The following MTDH variants were observed in gnomAD, a reference collection of about 807,000 sequenced individuals.
The protein encoded by MTDH is metadherin, also known as protein LYRIC.
MTDH carries 34 observed loss-of-function variants against 72.7 expected under a neutral mutation model. That is an observed-to-expected ratio of 0.47 (90% confidence interval 0.36 to 0.62). MTDH has a LOEUF of 0.62. Ranked by LOEUF, MTDH falls within the 20% of genes least tolerant of loss-of-function variation. The probability of loss-of-function intolerance (pLI) is 0.00; values close to 1 mark genes in which losing one functional copy is unlikely to be tolerated. For synonymous variants in MTDH, 266 were observed against 268.9 expected, an observed-to-expected ratio of 0.99 and a Z score of 0.10; for missense variants, 677 against 699.4, an observed-to-expected ratio of 0.97 and a Z score of 0.36.
chr8:97,701,152 T>G (rs1814106256), intron 7 of MTDH, among the ~76,000 whole-genome samples: 2 of 152,094 alleles, frequency 1.3e-5, no homozygotes, highest in Admixed American at 6.5e-5. Context: ...TTTCATAGGT[T>G]GTTGTGAGGC....
intron 1 of MTDH, among the ~76,000 whole-genome samples, chr8:97,657,677 A>T (rs543657489): frequency 6.6e-6 from 1 of 151,654 alleles, no homozygotes; most frequent in Admixed American, 6.6e-5. Flanking sequence ...CTATTTTTTT[A>T]AATTATTTTT....
chr8:97,715,651 T>G (rs995818199), intron 9 of MTDH, among the ~76,000 whole-genome samples: 3 of 152,230 alleles, frequency 2.0e-5, no homozygotes, highest in Non-Finnish European at 2.9e-5. Context: ...GCTTTTCTTG[T>G]TAGCTGGAGC....
At chr8:97,645,291 A>C (rs1459090718) in intron 1 of MTDH, among the ~76,000 whole-genome samples, 1 of 152,184 alleles carries the variant, frequency 6.6e-6, no homozygotes. Context: ...CTGCGCTCGG[A>C]AGACAGATGT....
chr8:97,652,513 ATTATT>A (rs951789254), intron 1 of MTDH, among the ~76,000 whole-genome samples: 6 of 152,118 alleles, frequency 3.9e-5, no homozygotes, highest in African/African-American at 1.2e-4. Context: ...CAGTTTGTAC[ATTATT>A]TGTTTACTTA....
chr8:97,707,774 C>A (rs1297536400), intron 8 of MTDH, among the ~76,000 whole-genome samples: 1 of 151,368 alleles, frequency 6.6e-6, no homozygotes, highest in African/African-American at 2.4e-5. Context: ...AGGCTGGGCA[C>A]AGTGGCATAC....
rs144100415 is a variant in MTDH at position 97,725,957 on chromosome 8, GAAAA to G, written c.*1292_*1295del. The G allele has an allele frequency of 6.6e-6, 1 of 152,206 alleles. No individual in the cohort carries two copies. Among genetic ancestry groups the G allele is most frequent in the Non-Finnish European group, 1.5e-5 (1 of 67,910 alleles). The allele number at this position is 152,206 out of a possible 1,614,324, so 9.4% of individuals were successfully genotyped here. A position where few individuals can be genotyped will look rare whatever the true frequency, so the allele number is the denominator to read the frequency against. On this transcript the variant is annotated 3_prime_UTR_variant, in exon 12 of 12. Coordinates refer to ENST00000336273, the MANE Select transcript of MTDH (RefSeq NM_178812.4). ...ACATCACTTAGTGAATTGTGATAAA[GAAAA>G]AAAAGCCATGATTTATTCGATGTGA... is the stretch of plus-strand genomic sequence containing the variant.
chr8:97,671,619 T>C (rs528213503), intron 2 of MTDH, among the ~76,000 whole-genome samples: 3 of 152,116 alleles, frequency 2.0e-5, no homozygotes, highest in African/African-American at 4.8e-5. Context: ...CCCAGCACTT[T>C]AGGAGGCCAA....
rs140955707 is a variant in MTDH, at chr8:97,711,867, G to A, written c.1273-1795G>A. Among the ~76,000 whole-genome samples, 976 of 152,290 alleles carry A rather than the reference G, an allele frequency of 6.4e-3. 11 individuals are homozygous for A. Among genetic ancestry groups the A allele is most frequent in the African/African-American group, 0.022 (909 of 41,552 alleles). ...TTTCAAAGTACTTTAATATCAGACT[G>A]AGGTTGACCGCAGGTAACTGAAACT... On this transcript the variant is annotated intron_variant, in intron 8 of 11. Transcript: ENST00000336273.
In MTDH at chr8:97,710,683, CAAAAA is replaced by C. The variant is rs376391821; in HGVS notation, c.1273-2956_1273-2952del. 9.5e-3 allele frequency among the ~76,000 whole-genome samples: 502 copies of C among 53,094 alleles called. 2 individuals are homozygous for C. Among genetic ancestry groups the C allele is most frequent in the Middle Eastern group, 0.013 (1 of 78 alleles). 34.8% of individuals were successfully genotyped at this position (53,094 alleles called of 152,430 possible). On this transcript the variant is annotated intron_variant, in intron 8 of 11. Transcript: ENST00000336273. ...CCTGGGCAACAGAGTGAGACTATCT[CAAAAA>C]AAAAAAAAAAAAAAAAAAAAAATAG...
rs1338072462 is a variant in MTDH, at chr8:97,726,221, T to G, written c.*1551T>G. 1 of 152,684 alleles carries G rather than the reference T, an allele frequency of 6.5e-6. No homozygotes were observed. The highest frequency in any genetic ancestry group is 1.5e-5 in the Non-Finnish European group (1 of 68,050). The allele number at this position is 152,684 out of a possible 1,614,324, so 9.5% of individuals were successfully genotyped here. On this transcript the variant is annotated 3_prime_UTR_variant, in exon 12 of 12. Transcript: ENST00000336273. ...ACTTTTATCAGGTGTTAACATCTGT[T>G]TCAGGAACATGGCAGTATGTTTACA...
intron 2 of MTDH, among the ~76,000 whole-genome samples, chr8:97,671,892 A>G (rs1812640558): frequency 6.6e-6 from 1 of 152,284 alleles, no homozygotes; most frequent in Middle Eastern, 3.4e-3. Flanking sequence ...ACATTTTAGG[A>G]ATCTAAAAGA....
Position 97,716,720 on chromosome 8 carries a change from G to C in MTDH, c.1381-2329G>C, listed in dbSNP as rs1282819788. Among the ~76,000 whole-genome samples, 9 of 152,108 alleles carry C rather than the reference G, an allele frequency of 5.9e-5. No homozygotes were observed. The East Asian group carries it at 1.5e-3, about 26-fold the overall frequency. ...TCTTTTTGTTTTGTTTTGTTTGTTT[G>C]TTTTTTGAGACATTCCACTCTGTGG... On this transcript the variant is annotated intron_variant, in intron 9 of 11. Transcript: ENST00000336273.
intron 2 of MTDH, among the ~76,000 whole-genome samples, chr8:97,661,540 A>G (rs773919215): frequency 6.6e-6 from 1 of 152,250 alleles, no homozygotes; most frequent in African/African-American, 2.4e-5. Flanking sequence ...CACATCTAGC[A>G]TGAAAACCTT....
intron 2 of MTDH, among the ~76,000 whole-genome samples, chr8:97,672,750 C>A: frequency 6.6e-6 from 1 of 152,132 alleles, no homozygotes; most frequent in Non-Finnish European, 1.5e-5. Flanking sequence ...GGATCTCATA[C>A]TGAAATTAAT....
Position 97,728,904 on chromosome 8 carries a change from G to A in MTDH, c.*4234G>A, listed in dbSNP as rs1420973612. The A allele has an allele frequency of 2.8e-5, 4 of 144,492 alleles. No individual in the cohort carries two copies. The highest frequency in any genetic ancestry group is 6.1e-5 in the Non-Finnish European group (4 of 65,542). 9.0% of individuals were successfully genotyped at this position (144,492 alleles called of 1,614,324 possible). A position where few individuals can be genotyped will look rare whatever the true frequency, so the allele number is the denominator to read the frequency against. ...TATTGTTCCTCCCCATTCTCAACCT[G>A]TAGCTTTTTTTTTTTTTCTTTTAAT... On this transcript the variant is annotated 3_prime_UTR_variant, in exon 12 of 12. Transcript: ENST00000336273.
At chr8:97,650,467 G>A (rs552568165) in intron 1 of MTDH, among the ~76,000 whole-genome samples, 10 of 151,902 alleles carry the variant, frequency 6.6e-5, no homozygotes, top group Admixed American at 3.3e-4. Flanking sequence ...TAGAGATGGC[G>A]TTTTGCTATG....
chr8:97,679,767 A>G (rs75532773), intron 2 of MTDH, among the ~76,000 whole-genome samples: 6,802 of 152,270 alleles, frequency 0.045, 504 homozygotes, highest in African/African-American at 0.15. Context: ...TGGAAGTATG[A>G]GAACAACAAG....
intron 2 of MTDH, among the ~76,000 whole-genome samples, chr8:97,683,749 T>G (rs1156469434): frequency 6.6e-6 from 1 of 152,120 alleles, no homozygotes; most frequent in Non-Finnish European, 1.5e-5. Flanking sequence ...GATACCTACT[T>G]TAGTTCCTGT....
rs935196396 is a variant in MTDH, at chr8:97,725,568, A to G, written c.*898A>G. The G allele has an allele frequency of 1.3e-5, 2 of 152,708 alleles. No individual in the cohort carries two copies. Among genetic ancestry groups the G allele is most frequent in the Non-Finnish European group, 2.9e-5 (2 of 68,024 alleles). 9.5% of individuals were successfully genotyped at this position (152,708 alleles called of 1,614,324 possible). On this transcript the variant is annotated 3_prime_UTR_variant, in exon 12 of 12. Transcript: ENST00000336273. The stretch of plus-strand genomic sequence containing the variant: ...ATCATTCACAAACTTTTGGTATATG[A>G]TGGAGAATGAAAAACTAGAGTCAGA...
Sources: allele counts gnomAD v4.1 joint callset (sites outside exome capture counted in the v4.1 genomes callset), GRCh38; gene constraint gnomAD v4.1.1; transcripts MANE v1.5; gene names NCBI Gene and HGNC (gene_info 2026-07-23, HGNC 2026-07-21).